Variants in PDZD9 observed in about 807,000 individuals in gnomAD.
The protein encoded by PDZD9 is PDZ domain containing 9, also known as PDZ domain-containing protein 9.
In PDZD9, 13 loss-of-function variants were observed where a neutral mutation model predicts 16.3. That is an observed-to-expected ratio of 0.80 (90% CI 0.52 to 1.27). PDZD9 has a LOEUF of 1.27. Among genes scored for constraint, PDZD9 ranks in the 50% most tolerant of loss-of-function variants. The pLI, the probability that PDZD9 is intolerant of heterozygous loss-of-function variation, is 0.00. For missense variants in PDZD9, 288 were observed against 310.9 expected (o/e 0.93, Z 0.55); for synonymous variants, 120 against 111.0 (o/e 1.08, Z -0.51).
At chr16:21,972,810 T>C in the PDZD9 span, among the ~76,000 whole-genome samples, 6 of 150,274 alleles carry the variant, frequency 4.0e-5, no homozygotes, top group Non-Finnish European at 8.9e-5. Flanking sequence ...ATTAAAGAAA[T>C]TGAAGTCCAG....
downstream of PDZD9, chr16:21,980,699 A>G: frequency 6.2e-7 from 1 of 1,611,166 alleles, no homozygotes; most frequent in Non-Finnish European, 8.5e-7. Context: ...GATATCATAA[A>G]TGTAAGTAAA....
intron 3 of PDZD9, among the ~76,000 whole-genome samples, chr16:21,985,571 G>A (rs1380859035): frequency 6.6e-6 from 1 of 152,106 alleles, no homozygotes; most frequent in African/African-American, 2.4e-5. Context: ...CAGTACCTGT[G>A]CTTGCTTTAA....
At chr16:21,969,208 C>T in the PDZD9 span, among the ~76,000 whole-genome samples, 2 of 152,094 alleles carry the variant, frequency 1.3e-5, no homozygotes, top group South Asian at 2.1e-4. Context: ...TAAACTAGTA[C>T]AACATTTTGG....
chr16:21,992,537 C>G (rs1264693520), intron 2 of PDZD9, among the ~76,000 whole-genome samples: 1 of 152,138 alleles, frequency 6.6e-6, no homozygotes, highest in Non-Finnish European at 1.5e-5. Flanking sequence ...ACCAGCAAGG[C>G]TAGAAAAAGC....
chr16:21,985,208 G>A (rs1417475041), intron 3 of PDZD9, among the ~76,000 whole-genome samples: 2 of 152,194 alleles, frequency 1.3e-5, no homozygotes, highest in African/African-American at 4.8e-5. Flanking sequence ...TTGAATTCCT[G>A]GGCTCAAGTG....
the PDZD9 span, chr16:21,971,499 C>T: frequency 1.3e-6 from 2 of 1,565,600 alleles, no homozygotes; most frequent in Admixed American, 3.7e-5. Flanking sequence ...GTGGTTCTAG[C>T]TTTGTTTTTG....
In PDZD9 at chr16:22,000,976, G is replaced by T. The variant is rs536547048; in HGVS notation, c.31+41C>A. Reference sequence around the variant, plus strand: ...GAGGAGGAACATTGACGAAGGCTTGGTCCCCAGGGCTTCTTCACCCGCTTC... The same window carrying T: ...GAGGAGGAACATTGACGAAGGCTTGTTCCCCAGGGCTTCTTCACCCGCTTC... On this transcript the variant is annotated intron_variant, in intron 1 of 3. Transcript: ENST00000424898. 9 of 1,528,126 alleles carry T rather than the reference G, an allele frequency of 5.9e-6. No individual in the cohort carries two copies. The South Asian group carries it at 1.1e-4, about 18-fold the overall frequency. The allele number at this position is 1,528,126 out of a possible 1,614,324, so 94.7% of individuals were successfully genotyped here.
chr16:21,995,628 C>T (rs1899129142), intron 2 of PDZD9, among the ~76,000 whole-genome samples: 1 of 152,110 alleles, frequency 6.6e-6, no homozygotes, highest in South Asian at 2.1e-4. Context: ...GACAGAGTCT[C>T]ACTCTGTCAC....
At chr16:21,992,732 G>A (rs140857453) in intron 2 of PDZD9, among the ~76,000 whole-genome samples, 9 of 152,198 alleles carry the variant, frequency 5.9e-5, no homozygotes, top group East Asian at 3.9e-4. Flanking sequence ...CTACACTGTC[G>A]GCTTCCCAAC....
At chr16:21,961,453 A>G in the PDZD9 span, 1 of 250,440 alleles carries the variant, frequency 4.0e-6, no homozygotes, top group Non-Finnish European at 8.5e-6. Context: ...GCAAGTTTCA[A>G]GATTTCTTTA....
the PDZD9 span, chr16:21,972,155 C>T: frequency 6.3e-7 from 1 of 1,586,126 alleles, no homozygotes; most frequent in South Asian, 1.1e-5. Context: ...TCTCTTTTTG[C>T]TTTCAAAGGC....
At chr16:21,996,233 A>T in intron 2 of PDZD9, 89 bp downstream of exon 2, 1 of 1,379,636 alleles carries the variant, frequency 7.2e-7, no homozygotes, top group Non-Finnish European at 9.7e-7. Context: ...TCATATCCTT[A>T]TAGTTACACT....
At chr16:21,976,520 C>T in the PDZD9 span, 13 of 303,106 alleles carry the variant, frequency 4.3e-5, no homozygotes, top group South Asian at 1.9e-4. Flanking sequence ...AGCAAGACCT[C>T]GTCTCCACCA....
the PDZD9 span, among the ~76,000 whole-genome samples, chr16:21,975,934 T>C: frequency 1.3e-5 from 2 of 152,184 alleles, no homozygotes; most frequent in Non-Finnish European, 2.9e-5. Context: ...AGCATGCACC[T>C]GTAGTCCCAG....
At chr16:21,975,279 G>T in the PDZD9 span, among the ~76,000 whole-genome samples, 1 of 152,184 alleles carries the variant, frequency 6.6e-6, no homozygotes, top group Non-Finnish European at 1.5e-5. Flanking sequence ...TAAATTGAAA[G>T]ACTGGACAAG....
chr16:21,983,524 G>A (rs958578161), downstream of PDZD9: 5 of 305,454 alleles, frequency 1.6e-5, no homozygotes, highest in Non-Finnish European at 2.4e-5. Flanking sequence ...GATTACTATT[G>A]GTGGCGTTTA....
the PDZD9 span, among the ~76,000 whole-genome samples, chr16:21,963,390 T>C: frequency 2.0e-5 from 3 of 152,228 alleles, no homozygotes; most frequent in African/African-American, 7.2e-5. Context: ...ATAATCATTT[T>C]TCATGTTTGA....
At chr16:21,964,474 G>A in the PDZD9 span, among the ~76,000 whole-genome samples, 1 of 152,152 alleles carries the variant, frequency 6.6e-6, no homozygotes. Flanking sequence ...GGCCTTGCGT[G>A]ATCTTACCCC....
the PDZD9 span, among the ~76,000 whole-genome samples, chr16:21,973,578 T>A: frequency 6.6e-6 from 1 of 152,210 alleles, no homozygotes; most frequent in Non-Finnish European, 1.5e-5. Flanking sequence ...AAAGCCTATC[T>A]ATATTATAAT....
Sources: gnomAD v4.1 joint callset for allele counts (sites outside exome capture counted in the v4.1 genomes callset) on GRCh38, gnomAD v4.1.1 for gene constraint, MANE v1.5 for transcripts, NCBI Gene and HGNC (gene_info 2026-07-23, HGNC 2026-07-21) for gene names.